The following NRXN1 variants were observed in gnomAD, a reference collection of about 807,000 sequenced individuals.
NRXN1 encodes neurexin 1, also known as neurexin-1.
A neutral mutation model predicts 150.9 loss-of-function variants in NRXN1; 39 were observed. That is an observed-to-expected ratio of 0.26 (90% CI 0.20 to 0.34). The LOEUF is 0.34. Ranked by LOEUF, NRXN1 falls within the 10% of genes least tolerant of loss-of-function variation. The pLI is 1.00. For synonymous variants in NRXN1, 924 were observed against 757.0 expected (o/e 1.22, Z -3.62); for missense variants, 1,815 against 1,949.9 (o/e 0.93, Z 1.30).
chr2:50,154,863 G>C (rs1489912102), intron 18 of NRXN1, among the ~76,000 whole-genome samples: 1 of 150,956 alleles, frequency 6.6e-6, no homozygotes, highest in Non-Finnish European at 1.5e-5. Flanking sequence ...CCTCTAATAA[G>C]CATTAAGAAA....
intron 17 of NRXN1, among the ~76,000 whole-genome samples, chr2:50,290,419 A>G (rs969135982): frequency 6.6e-6 from 1 of 152,170 alleles, no homozygotes; most frequent in Non-Finnish European, 1.5e-5. Flanking sequence ...CCTTCCAAAC[A>G]TTTTTGAAAG....
intron 14 of NRXN1, 136 bp downstream of exon 14, chr2:50,497,197 C>T (rs972767954): frequency 2.9e-5 from 15 of 524,210 alleles, no homozygotes; most frequent in Non-Finnish European, 4.6e-5. Context: ...TAAACAAATG[C>T]CTTCTTATTT....
At chr2:50,220,810 T>A (rs533921469) in intron 18 of NRXN1, among the ~76,000 whole-genome samples, 15 of 152,070 alleles carry the variant, frequency 9.9e-5, no homozygotes, top group Admixed American at 8.5e-4. Context: ...AAAGAATTGA[T>A]CCTCAGAGAG....
chr2:50,424,436 A>G lies in NRXN1; in HGVS notation c.3364+41006T>C, dbSNP rs1477882974. ...ACGGTACCTGGACCTAGAACCTCTG[A>G]CATTTATGAGGACTGGGAGACACTC... On this transcript the variant is annotated intron_variant, in intron 17 of 22. Transcript: ENST00000401669. Among the ~76,000 whole-genome samples, 3 of 152,016 alleles carry G rather than the reference A, an allele frequency of 2.0e-5. No individual in the cohort carries two copies. The South Asian group carries it at 6.2e-4, about 32-fold the overall frequency.
chr2:50,829,956 A>G (rs544194602), intron 5 of NRXN1, among the ~76,000 whole-genome samples: 1 of 141,742 alleles, frequency 7.1e-6, no homozygotes, highest in Middle Eastern at 4.1e-3. Flanking sequence ...TCTACTTGCT[A>G]TCAGGAGAAA....
At chr2:50,929,398 C>T (rs1687398142) in intron 2 of NRXN1, among the ~76,000 whole-genome samples, 1 of 152,012 alleles carries the variant, frequency 6.6e-6, no homozygotes, top group Non-Finnish European at 1.5e-5. Flanking sequence ...GACAGTGGTC[C>T]ATTTAGTGCT....
intron 17 of NRXN1, among the ~76,000 whole-genome samples, chr2:50,357,554 C>G (rs2078908823): frequency 6.6e-6 from 1 of 152,040 alleles, no homozygotes; most frequent in South Asian, 2.1e-4. Flanking sequence ...GTGATCCACT[C>G]ACCTCGGCCT....
At chr2:50,526,761 C>T (rs897120213) in intron 12 of NRXN1, 2 of 152,134 alleles carry the variant, frequency 1.3e-5, no homozygotes, top group African/African-American at 4.8e-5. Flanking sequence ...ATGTGCAGTC[C>T]TGTCCGATGT....
At chr2:50,089,617 A>G (rs1699274577) in intron 19 of NRXN1, among the ~76,000 whole-genome samples, 1 of 151,960 alleles carries the variant, frequency 6.6e-6, no homozygotes, top group Non-Finnish European at 1.5e-5. Flanking sequence ...CGAGACCCCC[A>G]TCTCTACAAA....
At chr2:50,780,961 A>T (rs1465161400) in intron 5 of NRXN1, among the ~76,000 whole-genome samples, 1 of 152,186 alleles carries the variant, frequency 6.6e-6, no homozygotes, top group African/African-American at 2.4e-5. Flanking sequence ...TAGACTATAA[A>T]GGGTCTGAGA....
intron 5 of NRXN1, among the ~76,000 whole-genome samples, chr2:50,807,225 C>T (rs1398346512): frequency 6.6e-6 from 1 of 151,958 alleles, no homozygotes; most frequent in Non-Finnish European, 1.5e-5. Context: ...CTTTTCCTAC[C>T]TCTGCCTTGA....
chr2:50,092,056 C>A (rs1699653029), intron 18 of NRXN1, among the ~76,000 whole-genome samples: 1 of 152,098 alleles, frequency 6.6e-6, no homozygotes. Context: ...GATGATGAAA[C>A]ATCAACATTT....
At chr2:50,931,977 T>C (rs947253774) in intron 2 of NRXN1, among the ~76,000 whole-genome samples, 6 of 152,094 alleles carry the variant, frequency 3.9e-5, no homozygotes, top group African/African-American at 1.4e-4. Flanking sequence ...TTCTCCTGCC[T>C]CAGCCTCCCA....
At chr2:50,103,263 T>G (rs192322228) in intron 18 of NRXN1, among the ~76,000 whole-genome samples, 56 of 152,190 alleles carry the variant, frequency 3.7e-4, no homozygotes, top group African/African-American at 1.3e-3. Context: ...CTTTGTGTGG[T>G]GGAATGTCTT....
At chr2:49,959,727 C>A (rs1198961645) in intron 21 of NRXN1, among the ~76,000 whole-genome samples, 1 of 152,212 alleles carries the variant, frequency 6.6e-6, no homozygotes, top group Non-Finnish European at 1.5e-5. Context: ...ATACTTAACA[C>A]TGTTCCTGGT....
At chr2:51,026,697 C>G (rs555352378) in intron 2 of NRXN1, among the ~76,000 whole-genome samples, 10 of 152,298 alleles carry the variant, frequency 6.6e-5, no homozygotes, top group African/African-American at 2.2e-4. Flanking sequence ...TACTTTATTT[C>G]TCTTTATAAG....
At chr2:50,035,427 A>C (rs1187429001) in intron 21 of NRXN1, among the ~76,000 whole-genome samples, 1 of 152,102 alleles carries the variant, frequency 6.6e-6, no homozygotes, top group Non-Finnish European at 1.5e-5. Context: ...AAACTCTCAA[A>C]AACATGCTGT....
At chr2:50,345,675 T>G (rs1457996671) in intron 17 of NRXN1, among the ~76,000 whole-genome samples, 1 of 152,216 alleles carries the variant, frequency 6.6e-6, no homozygotes, top group Admixed American at 6.5e-5. Context: ...GAATCTGGCC[T>G]CACAGTGCTG....
chr2:50,007,689 C>T (rs772991280), intron 21 of NRXN1, among the ~76,000 whole-genome samples: 3 of 152,132 alleles, frequency 2.0e-5, no homozygotes, highest in Non-Finnish European at 2.9e-5. Flanking sequence ...CTACAATAAA[C>T]ATACATGTGC....
Sources: allele counts gnomAD v4.1 joint callset (sites outside exome capture counted in the v4.1 genomes callset), GRCh38; gene constraint gnomAD v4.1.1; transcripts MANE v1.5; gene names NCBI Gene and HGNC (gene_info 2026-07-23, HGNC 2026-07-21).